Variants in ATF6B observed in about 807,000 individuals in gnomAD.
The protein encoded by ATF6B is cyclic AMP-dependent transcription factor ATF-6 beta.
Under a neutral mutation model 83.5 loss-of-function variants are expected in ATF6B, and 50 were observed. The observed-to-expected ratio is 0.60, with a 90% confidence interval of 0.48 to 0.76. The LOEUF is 0.76. ATF6B is among the 30% of genes least tolerant of loss of function. The pLI, the probability that ATF6B is intolerant of heterozygous loss-of-function variation, is 0.00. For synonymous variants in ATF6B, 344 were observed against 362.8 expected (o/e 0.95, Z 0.59); for missense variants, 790 against 893.8 (o/e 0.88, Z 1.48).
At chr6:32,121,942 C>T (rs1212094772) in intron 5 of ATF6B, among the ~76,000 whole-genome samples, 1 of 152,182 alleles carries the variant, frequency 6.6e-6, no homozygotes, top group Non-Finnish European at 1.5e-5. Context: ...CTGCGTTTCC[C>T]TCTTTCTTGT....
In ATF6B at chr6:32,118,798, A is replaced by G; in HGVS notation, c.1221T>C (p.Ile407=). Residue 407 remains isoleucine (I), a synonymous_variant, in exon 11 of 18, where the codon ATT becomes ATC. Transcript: ENST00000375203. This position sits in a 1 kb window ranked among gnomAD's most constrained non-coding sequence, Gnocchi z 5.2. The stretch of plus-strand genomic sequence containing the variant: ...ACCTGACAGGTCCAAAGTTGAAGGC[A>G]ATGAAGAGAAGGAAGACCATGATGC... ...VVCIMVFLLF[I]AFNFGPVSIS... 6.2e-7 allele frequency: 1 copy of G among 1,614,256 alleles called. No homozygotes were observed. The highest frequency in any genetic ancestry group is 8.5e-7 in the Non-Finnish European group (1 of 1,180,038).
rs1308091082 is a variant in ATF6B at position 32,117,553 on chromosome 6, G to A, written c.1532+34C>T. 6.2e-7 allele frequency: 1 copy of A among 1,608,496 alleles called. No homozygotes were observed. The highest frequency in any genetic ancestry group is 8.5e-7 in the Non-Finnish European group (1 of 1,176,212). ...GACTGCAGAAGGCCTTGGGAGGCCG[G>A]GGGAGCTGGATGCCCCAGCAATGAA... On this transcript the variant is annotated intron_variant, in intron 13 of 17. Coordinates refer to ENST00000375203, the MANE Select transcript of ATF6B (RefSeq NM_004381.5). The surrounding 1 kb of genome is among the most constrained non-coding windows in gnomAD (Gnocchi z 5.0).
intron 5 of ATF6B, among the ~76,000 whole-genome samples, chr6:32,123,219 C>G (rs1187637576): frequency 1.2e-5 from 1 of 85,014 alleles, no homozygotes; most frequent in African/African-American, 5.5e-5. Flanking sequence ...CAGGGCAAAA[C>G]TCTGTCTCAA....
At position 32,117,595 on chromosome 6, in the gene ATF6B, C is replaced by T; in HGVS notation, c.1524G>A (p.Glu508=). The change falls in exon 13 of 18, where the codon GAG becomes GAA. Residue 508 remains glutamate (E), a synonymous_variant. Transcript: ENST00000375203. This position sits in a 1 kb window ranked among gnomAD's most constrained non-coding sequence, Gnocchi z 5.0. The stretch of plus-strand genomic sequence containing the variant: ...AGCAATGAATCCCACACCTCAGGGA[C>T]TCAGTGCGGTTGAAGTGCCGGCAAT... ...SSDCRHFNRT[E]SLRLADELSG... The T allele has an allele frequency of 6.2e-7, 1 of 1,613,938 alleles. No individual in the cohort carries two copies. Among genetic ancestry groups the T allele is most frequent in the Non-Finnish European group, 8.5e-7 (1 of 1,179,850 alleles).
Position 32,116,160 on chromosome 6 carries a change from G to C in ATF6B, c.1883-192C>G, listed in dbSNP as rs538332610. ...TTGGTGCAGGGGCAAGGAGAGGGTA[G>C]GAAAAGAAAAGGGCATTGAGTGTGG... is the stretch of plus-strand genomic sequence containing the variant. On this transcript the variant is annotated intron_variant, in intron 17 of 17. Coordinates refer to ENST00000375203, the MANE Select transcript of ATF6B (RefSeq NM_004381.5). This position sits in a 1 kb window ranked among gnomAD's most constrained non-coding sequence, Gnocchi z 5.1. 6.6e-6 allele frequency among the ~76,000 whole-genome samples: 1 copy of C among 152,250 alleles called. No individual in the cohort carries two copies. Among genetic ancestry groups the C allele is most frequent in the South Asian group, 2.1e-4 (1 of 4,820 alleles).
At position 32,118,719 on chromosome 6, in the gene ATF6B, G is replaced by A; in HGVS notation, c.1244+56C>T. On this transcript the variant is annotated intron_variant, in intron 11 of 17. Coordinates refer to ENST00000375203, the MANE Select transcript of ATF6B (RefSeq NM_004381.5). The surrounding 1 kb of genome is among the most constrained non-coding windows in gnomAD (Gnocchi z 5.2). ...GGCCTGGGCCAAAGCAGGCAGCTAG[G>A]AGGCTGTAACGTGGGCTCCACCTGG... 1 of 1,557,700 alleles carries A rather than the reference G, an allele frequency of 6.4e-7. No homozygotes were observed. The highest frequency in any genetic ancestry group is 8.9e-7 in the Non-Finnish European group (1 of 1,129,868).
In ATF6B at chr6:32,116,873, C is replaced by A; in HGVS notation, c.1686-58G>T. ...ACTAAGCCCAATGCTCAGTTTCTAC[C>A]AGGGAAGCGGGTAGGATGAGAGAAA... is the stretch of plus-strand genomic sequence containing the variant. On this transcript the variant is annotated intron_variant, in intron 15 of 17. Coordinates refer to ENST00000375203, the MANE Select transcript of ATF6B (RefSeq NM_004381.5). This position sits in a 1 kb window ranked among gnomAD's most constrained non-coding sequence, Gnocchi z 5.1. 1.3e-6 allele frequency: 2 copies of A among 1,585,842 alleles called. No individual in the cohort carries two copies. The highest frequency in any genetic ancestry group is 8.7e-7 in the Non-Finnish European group (1 of 1,155,048).
At position 32,117,911 on chromosome 6, in the gene ATF6B, A is replaced by G; in HGVS notation, c.1372T>C (p.Ser458Pro). 1 of 1,598,556 alleles carries G rather than the reference A, an allele frequency of 6.3e-7. No individual in the cohort carries two copies. The highest frequency in any genetic ancestry group is 2.2e-5 in the East Asian group (1 of 44,820). ...VQGVEPLQGS[S>P]QGPKEPQPSP... ...GGCTGGGGCTCCTTAGGGCCCTGGG[A>G]GGACCCCTGGAGAGGTTCAACTCCC... The change falls in exon 12 of 18, where the codon TCC becomes CCC. Residue 458 changes from serine to proline, a missense_variant. Transcript: ENST00000375203. This position sits in a 1 kb window ranked among gnomAD's most constrained non-coding sequence, Gnocchi z 5.0.
Position 32,128,225 on chromosome 6 carries a change from C to CCCCCCCCA in ATF6B, c.-19_-18insTGGGGGGG. 5 of 1,599,586 alleles carry CCCCCCCCA rather than the reference C, an allele frequency of 3.1e-6. No homozygotes were observed. Among genetic ancestry groups the CCCCCCCCA allele is most frequent in the Non-Finnish European group, 8.5e-7 (1 of 1,175,940 alleles). ...TCCGCCATCTTTCCCCCCCACCCCC[C>CCCCCCCCA]AACCAGGAGACGGTTCCCAAGGCCC... On this transcript the variant is annotated 5_prime_UTR_variant, in exon 1 of 18. Coordinates refer to ENST00000375203, the MANE Select transcript of ATF6B (RefSeq NM_004381.5).
In ATF6B at chr6:32,115,725, G is replaced by A; in HGVS notation, c.*14C>T. ...CCCCCTCCCCCCGTTCTAAGTCAGT[G>A]TGAATGGCAGAGGTCAGGGATGATT... On this transcript the variant is annotated 3_prime_UTR_variant, in exon 18 of 18. Coordinates refer to ENST00000375203, the MANE Select transcript of ATF6B (RefSeq NM_004381.5). The A allele has an allele frequency of 6.4e-7, 1 of 1,568,142 alleles. No individual in the cohort carries two copies. Among genetic ancestry groups the A allele is most frequent in the Non-Finnish European group, 8.7e-7 (1 of 1,153,882 alleles).
chr6:32,116,035 A>G lies in ATF6B; in HGVS notation c.1883-67T>C. On this transcript the variant is annotated intron_variant, in intron 17 of 17. Transcript: ENST00000375203. The surrounding 1 kb of genome is among the most constrained non-coding windows in gnomAD (Gnocchi z 5.1). Reference sequence around the variant, plus strand: ...AAACAGGGATTGCAGGGAGGAGGGGAGGAGGTCAGAAAAGTAGAGGTGAGC... The same window carrying G: ...AAACAGGGATTGCAGGGAGGAGGGGGGGAGGTCAGAAAAGTAGAGGTGAGC... 7.8e-7 allele frequency: 1 copy of G among 1,276,574 alleles called. No homozygotes were observed. Among genetic ancestry groups the G allele is most frequent in the Non-Finnish European group, 1.1e-6 (1 of 901,776 alleles). The allele number at this position is 1,276,574 out of a possible 1,614,324, so 79.1% of individuals were successfully genotyped here.
rs762187746 is a variant in ATF6B at position 32,127,642 on chromosome 6, G to A, written c.171+29C>T. ...TCTGGGCTCACTTTCCACCCACCAA[G>A]GGTTAGAGAAAGGCTGGGGACACAA... On this transcript the variant is annotated intron_variant, in intron 2 of 17. Coordinates refer to ENST00000375203, the MANE Select transcript of ATF6B (RefSeq NM_004381.5). 1.9e-6 allele frequency: 3 copies of A among 1,613,894 alleles called. No homozygotes were observed. In the African/African-American group the frequency reaches 4.0e-5, roughly 22 times the overall value.
chr6:32,123,962 T>C (rs1781865623), intron 5 of ATF6B, among the ~76,000 whole-genome samples: 3 of 152,010 alleles, frequency 2.0e-5, no homozygotes, highest in African/African-American at 7.2e-5. Context: ...CCCAGCACTT[T>C]GGGAGCCAAA....
rs1222115052 is a variant in ATF6B, at chr6:32,127,148, G to A, written c.297C>T (p.Ser99=). 2 of 1,611,952 alleles carry A rather than the reference G, an allele frequency of 1.2e-6. No individual in the cohort carries two copies. Among genetic ancestry groups the A allele is most frequent in the Non-Finnish European group, 1.7e-6 (2 of 1,179,336 alleles). The change falls in exon 4 of 18, where the codon TCC becomes TCT. Residue 99 remains serine (S), a synonymous_variant. Transcript: ENST00000375203. ...SEPSSPCSSS[S]LSSESSRLST... ...AGAGACGCGATGACTCGGAGCTGAG[G>A]GAGGAGGAAGAGCAGGGGGAAGATG...
At chr6:32,127,621 G>C in intron 2 of ATF6B, 50 bp downstream of exon 2, 1 of 1,612,982 alleles carries the variant, frequency 6.2e-7, no homozygotes. Context: ...CCAGGTTCTG[G>C]GCTCACTTTC....
chr6:32,128,211 T>TCCCCCCCCCCCCCCCCCCCCCCCCCC lies in ATF6B; in HGVS notation c.-5_-4insGGGGGGGGGGGGGGGGGGGGGGGGGG. The TCCCCCCCCCCCCCCCCCCCCCCCCCC allele has an allele frequency of 2.0e-6, 3 of 1,536,882 alleles. No homozygotes were observed. The highest frequency in any genetic ancestry group is 1.1e-5 in the South Asian group (1 of 87,858). ...TGAGCAGCATCAGCTCCGCCATCTT[T>TCCCCCCCCCCCCCCCCCCCCCCCCCC]CCCCCCCACCCCCCAACCAGGAGAC... On this transcript the variant is annotated 5_prime_UTR_variant, in exon 1 of 18. Transcript: ENST00000375203.
chr6:32,120,242 C>T lies in ATF6B; in HGVS notation c.833-285G>A, dbSNP rs746212790. On this transcript the variant is annotated intron_variant, in intron 8 of 17. Transcript: ENST00000375203. ...CCTCCCCAGCAGCTGGAACTACAGA[C>T]GCACGCCACCACGCCTGGCTAATTT... 5.8e-4 allele frequency: 135 copies of T among 231,902 alleles called. 1 individual carries two copies. Among genetic ancestry groups the T allele is most frequent in the Middle Eastern group, 3.2e-3 (2 of 634 alleles). The allele number at this position is 231,902 out of a possible 1,614,324, so 14.4% of individuals were successfully genotyped here. A position where few individuals can be genotyped will look rare whatever the true frequency, so the allele number is the denominator to read the frequency against.
intron 4 of ATF6B, 150 bp downstream of exon 4, chr6:32,126,953 G>A (rs1370109174): frequency 7.7e-6 from 4 of 521,128 alleles, no homozygotes; most frequent in Middle Eastern, 4.3e-4. Context: ...TTAAGGAAAC[G>A]GCAAAGGTAG....
At chr6:32,122,462 A>G (rs1485395862) in intron 5 of ATF6B, among the ~76,000 whole-genome samples, 2 of 152,172 alleles carry the variant, frequency 1.3e-5, no homozygotes, top group African/African-American at 4.8e-5. Flanking sequence ...TTATATGATC[A>G]CTAAGATTGC....
Sources: allele counts gnomAD v4.1 joint callset (sites outside exome capture counted in the v4.1 genomes callset), GRCh38; gene constraint gnomAD v4.1.1; non-coding constraint Gnocchi (gnomAD v3.1); transcripts MANE v1.5; gene names NCBI Gene and HGNC (gene_info 2026-07-23, HGNC 2026-07-21).